The following CDC42BPA variants were observed in gnomAD, a reference collection of about 807,000 sequenced individuals.
CDC42BPA encodes the protein CDC42 binding protein kinase alpha.
CDC42BPA carries 80 observed loss-of-function variants against 223.5 expected under a neutral mutation model. That is an observed-to-expected ratio of 0.36 (90% CI 0.30 to 0.43). The LOEUF (loss-of-function observed/expected upper bound fraction) is 0.43. Among genes scored for constraint, CDC42BPA ranks in the 20% least tolerant of loss-of-function variants. The probability of loss-of-function intolerance (pLI) is 1.00; values close to 1 mark genes in which losing one functional copy is unlikely to be tolerated. For synonymous variants in CDC42BPA, 694 were observed against 718.6 expected, an observed-to-expected ratio of 0.97 and a Z score of 0.55; for missense variants, 1,743 against 2,099.9, an observed-to-expected ratio of 0.83 and a Z score of 3.32.
At position 227,125,156 on chromosome 1, in the gene CDC42BPA, C is replaced by T. The variant is rs571416657; in HGVS notation, c.1513+3953G>A. On this transcript the variant is annotated intron_variant, in intron 11 of 36. Coordinates refer to ENST00000366766, the MANE Select transcript of CDC42BPA (RefSeq NM_001394014.1). ...TTAGGAAAGGGGTAGACCAGAAAGA[C>T]AGACAACTCACAGAAAGTAACAATT... is the stretch of plus-strand genomic sequence containing the variant. Among the ~76,000 whole-genome samples, 5 of 151,234 alleles carry T rather than the reference C, an allele frequency of 3.3e-5. No homozygotes were observed. The East Asian group carries it at 9.7e-4, about 29-fold the overall frequency.
At chr1:227,158,256 G>A (rs538757844) in intron 6 of CDC42BPA, among the ~76,000 whole-genome samples, 68 of 152,218 alleles carry the variant, frequency 4.5e-4, no homozygotes, top group African/African-American at 1.4e-3. Flanking sequence ...CACTGTGACC[G>A]ACCTATGATC....
At chr1:227,145,853 A>C in intron 7 of CDC42BPA, 116 bp from the exon 8 acceptor site, 1 of 761,678 alleles carries the variant, frequency 1.3e-6, no homozygotes, top group Non-Finnish European at 2.0e-6. Flanking sequence ...TAATAACTGC[A>C]TGTTGGTGCA....
intron 1 of CDC42BPA, among the ~76,000 whole-genome samples, chr1:227,292,000 T>C (rs1689778720): frequency 2.0e-5 from 3 of 150,730 alleles, no homozygotes; most frequent in South Asian, 4.2e-4. Flanking sequence ...TTTTTTTTTT[T>C]CAGACGGAGT....
intron 3 of CDC42BPA, among the ~76,000 whole-genome samples, chr1:227,203,025 C>A (rs1360073590): frequency 6.6e-6 from 1 of 152,012 alleles, no homozygotes; most frequent in African/African-American, 2.4e-5. Context: ...AGTATAAAAA[C>A]CCCCTCCTAC....
intron 5 of CDC42BPA, among the ~76,000 whole-genome samples, chr1:227,186,862 T>G (rs1558706209): frequency 6.6e-6 from 1 of 152,200 alleles, no homozygotes; most frequent in Non-Finnish European, 1.5e-5. Flanking sequence ...TGGCTACCTG[T>G]CTCACCCATC....
At chr1:227,008,796 T>C (rs1387709019) in intron 34 of CDC42BPA, among the ~76,000 whole-genome samples, 2 of 152,246 alleles carry the variant, frequency 1.3e-5, no homozygotes, top group Non-Finnish European at 1.5e-5. Context: ...ACATGCCATC[T>C]ACATCAATTT....
intron 3 of CDC42BPA, 97 bp downstream of exon 3, chr1:227,213,039 A>T: frequency 1.7e-6 from 1 of 605,500 alleles, no homozygotes; most frequent in Non-Finnish European, 2.8e-6. Context: ...CACAGACAAA[A>T]TGTTACCAAG....
At chr1:227,162,835 C>G (rs1007649823) in intron 5 of CDC42BPA, among the ~76,000 whole-genome samples, 2 of 135,028 alleles carry the variant, frequency 1.5e-5, no homozygotes, top group Admixed American at 7.1e-5. Flanking sequence ...GAAACTGTCT[C>G]CAAAAGAAAA....
chr1:227,030,586 C>T, intron 28 of CDC42BPA, 116 bp from the exon 29 acceptor site: 1 of 606,746 alleles, frequency 1.6e-6, no homozygotes, highest in Admixed American at 3.4e-5. Context: ...ATTACAATAA[C>T]AGTTTACACT....
At chr1:227,261,061 T>C (rs1683951870) in intron 1 of CDC42BPA, among the ~76,000 whole-genome samples, 1 of 150,838 alleles carries the variant, frequency 6.6e-6, no homozygotes, top group Non-Finnish European at 1.5e-5. Flanking sequence ...AAAACAGTAT[T>C]ATTCACCTTT....
intron 1 of CDC42BPA, among the ~76,000 whole-genome samples, chr1:227,261,159 AG>A (rs1352539882): frequency 2.4e-5 from 3 of 123,668 alleles, no homozygotes; most frequent in African/African-American, 9.7e-5. Flanking sequence ...TCTGTTGCCC[AG>A]GCTGGAGTGC....
chr1:227,060,406 G>A (rs751628907), intron 21 of CDC42BPA, among the ~76,000 whole-genome samples: 4 of 152,102 alleles, frequency 2.6e-5, no homozygotes, highest in Non-Finnish European at 5.9e-5. Flanking sequence ...CTCACAATAC[G>A]TTGGATACTA....
intron 14 of CDC42BPA, among the ~76,000 whole-genome samples, chr1:227,103,102 T>C (rs1383434080): frequency 6.6e-6 from 1 of 152,082 alleles, no homozygotes; most frequent in African/African-American, 2.4e-5. Flanking sequence ...ATTACCACTC[T>C]TATGCGACAT....
At chr1:227,027,789 T>C (rs12120691) in intron 30 of CDC42BPA, among the ~76,000 whole-genome samples, 10,529 of 152,238 alleles carry the variant, frequency 0.069, 513 homozygotes, top group Non-Finnish European at 0.1. Context: ...AATAATTGGA[T>C]TATTTTCAAT....
intron 35 of CDC42BPA, among the ~76,000 whole-genome samples, chr1:227,001,070 A>C (rs953837780): frequency 1.3e-5 from 2 of 152,176 alleles, no homozygotes; most frequent in African/African-American, 4.8e-5. Flanking sequence ...TCCTCAGGTG[A>C]ACTAGGAAGG....
chr1:227,310,723 G>A (rs1357314714), intron 1 of CDC42BPA, among the ~76,000 whole-genome samples: 1 of 145,350 alleles, frequency 6.9e-6, no homozygotes, highest in Non-Finnish European at 1.5e-5. Context: ...GTCTTGCTCT[G>A]TCGCCCAGAC....
At chr1:227,121,167 G>A (rs894379841) in intron 11 of CDC42BPA, among the ~76,000 whole-genome samples, 2 of 152,170 alleles carry the variant, frequency 1.3e-5, no homozygotes, top group African/African-American at 2.4e-5. Context: ...AGTGACATGA[G>A]CATCCCCTAG....
At chr1:227,085,975 C>A in intron 16 of CDC42BPA, among the ~76,000 whole-genome samples, 1 of 152,202 alleles carries the variant, frequency 6.6e-6, no homozygotes, top group Non-Finnish European at 1.5e-5. Flanking sequence ...ATCCCCATGC[C>A]TATTTATAAT....
At chr1:227,197,842 T>C (rs1453001487) in intron 4 of CDC42BPA, among the ~76,000 whole-genome samples, 2 of 152,164 alleles carry the variant, frequency 1.3e-5, no homozygotes, top group Non-Finnish European at 2.9e-5. Flanking sequence ...GTGTTTTAAT[T>C]TGTTCTTACA....
Sources: gnomAD v4.1 joint callset for allele counts (sites outside exome capture counted in the v4.1 genomes callset) on GRCh38, gnomAD v4.1.1 for gene constraint, MANE v1.5 for transcripts, NCBI Gene and HGNC (gene_info 2026-07-23, HGNC 2026-07-21) for gene names.